The following GNG12 variants were observed in gnomAD, a reference collection of about 807,000 sequenced individuals.
GNG12 encodes the protein G protein subunit gamma 12.
For missense variants in GNG12, 69 were observed against 83.8 expected, an observed-to-expected ratio of 0.82 and a Z score of 0.69; for synonymous variants, 28 against 29.7, an observed-to-expected ratio of 0.94 and a Z score of 0.19.
chr1:67,723,393 A>T (rs2100690686), intron 2 of GNG12, among the ~76,000 whole-genome samples: 1 of 152,340 alleles, frequency 6.6e-6, no homozygotes, highest in East Asian at 1.9e-4. Flanking sequence ...GAGGAAGGGT[A>T]AGTTAATGCT....
chr1:67,772,093 A>G (rs11209150), intron 2 of GNG12, among the ~76,000 whole-genome samples: 17,681 of 152,158 alleles, frequency 0.12, 1,308 homozygotes, highest in African/African-American at 0.21. Flanking sequence ...TTTAAGCAAG[A>G]GGGGCCCAGG....
At chr1:67,752,973 C>T (rs1017471194) in intron 2 of GNG12, among the ~76,000 whole-genome samples, 3 of 152,156 alleles carry the variant, frequency 2.0e-5, no homozygotes, top group South Asian at 2.1e-4. Flanking sequence ...GTGACTGCTA[C>T]GCTGAATTAT....
chr1:67,783,196 A>C (rs17130277), intron 1 of GNG12, among the ~76,000 whole-genome samples: 1 of 152,206 alleles, frequency 6.6e-6, no homozygotes, highest in African/African-American at 2.4e-5. Flanking sequence ...ACACATAGAC[A>C]TAAGTGTTTC....
chr1:67,763,533 T>C (rs1377589852), intron 2 of GNG12, among the ~76,000 whole-genome samples: 3 of 136,212 alleles, frequency 2.2e-5, no homozygotes, highest in Non-Finnish European at 4.6e-5. Context: ...TATCCATCAC[T>C]TTTTTTTTTT....
At chr1:67,762,534 TTAAA>T (rs1273424025) in intron 2 of GNG12, among the ~76,000 whole-genome samples, 1 of 152,136 alleles carries the variant, frequency 6.6e-6, no homozygotes, top group Admixed American at 6.5e-5. Context: ...AGAGAAAAGT[TTAAA>T]AGAGTATGTA....
chr1:67,732,867 G>A (rs1570495841), intron 2 of GNG12, among the ~76,000 whole-genome samples: 1 of 152,206 alleles, frequency 6.6e-6, no homozygotes, highest in East Asian at 1.9e-4. Context: ...CTGCCCTCCT[G>A]GCAGTTGTGC....
chr1:67,722,849 C>T (rs946560315), intron 2 of GNG12, among the ~76,000 whole-genome samples: 1 of 152,142 alleles, frequency 6.6e-6, no homozygotes, highest in Non-Finnish European at 1.5e-5. Context: ...GCAACATGGT[C>T]AGGGCTTGGG....
intron 1 of GNG12, among the ~76,000 whole-genome samples, chr1:67,803,615 G>C (rs1646878990): frequency 6.6e-6 from 1 of 152,214 alleles, no homozygotes; most frequent in Non-Finnish European, 1.5e-5. Context: ...CCTGTGTTAA[G>C]TGCTTTGCGA....
chr1:67,808,272 T>TA (rs1570566115), intron 1 of GNG12, among the ~76,000 whole-genome samples: 2 of 152,076 alleles, frequency 1.3e-5, no homozygotes, highest in South Asian at 4.1e-4. Context: ...TGATTTTTTT[T>TA]TAAAAAAACT....
chr1:67,755,549 A>C (rs963458128), intron 2 of GNG12, among the ~76,000 whole-genome samples: 2 of 152,196 alleles, frequency 1.3e-5, no homozygotes, highest in African/African-American at 4.8e-5. Context: ...ATAAGGTCTC[A>C]CAACCTGTAG....
chr1:67,725,921 G>A (rs768086936), intron 2 of GNG12, among the ~76,000 whole-genome samples: 13 of 152,040 alleles, frequency 8.6e-5, no homozygotes, highest in Non-Finnish European at 1.5e-4. Flanking sequence ...AAAACATGAC[G>A]GAGCATCACT....
intron 2 of GNG12, among the ~76,000 whole-genome samples, chr1:67,776,572 T>C (rs895502440): frequency 2.0e-5 from 3 of 152,198 alleles, no homozygotes; most frequent in Non-Finnish European, 2.9e-5. Flanking sequence ...TTGGGGTAAC[T>C]TGCAGGATGA....
chr1:67,787,106 T>C (rs939131015), intron 1 of GNG12, among the ~76,000 whole-genome samples: 3 of 150,316 alleles, frequency 2.0e-5, no homozygotes, highest in Admixed American at 6.7e-5. Flanking sequence ...CAGTAAGTCA[T>C]ATAAACAACT....
At chr1:67,814,258 T>A (rs931144024) in intron 1 of GNG12, among the ~76,000 whole-genome samples, 2 of 152,232 alleles carry the variant, frequency 1.3e-5, no homozygotes, top group Non-Finnish European at 2.9e-5. Flanking sequence ...CTGCCAGCCA[T>A]GAGCCCTTCC....
chr1:67,731,872 AT>A (rs1557599165), intron 2 of GNG12, among the ~76,000 whole-genome samples: 1 of 152,084 alleles, frequency 6.6e-6, no homozygotes, highest in Non-Finnish European at 1.5e-5. Flanking sequence ...TTGTATGCTT[AT>A]TTTTTTATAT....
At chr1:67,772,357 T>C (rs1420394397) in intron 2 of GNG12, among the ~76,000 whole-genome samples, 3 of 152,176 alleles carry the variant, frequency 2.0e-5, no homozygotes, top group Non-Finnish European at 4.4e-5. Context: ...ATGTTCCTTA[T>C]TGGTAGTCTG....
intron 1 of GNG12, among the ~76,000 whole-genome samples, chr1:67,808,303 G>T (rs1261495106): frequency 6.6e-6 from 1 of 151,826 alleles, no homozygotes; most frequent in Admixed American, 6.6e-5. Flanking sequence ...AAAATAGAGG[G>T]GAACTTCCTC....
At chr1:67,829,456 T>C (rs1647030832) in intron 1 of GNG12, among the ~76,000 whole-genome samples, 1 of 152,232 alleles carries the variant, frequency 6.6e-6, no homozygotes, top group Non-Finnish European at 1.5e-5. Flanking sequence ...TACTGAGCTT[T>C]TTTTAGATTT....
chr1:67,726,202 TA>T (rs1461616706), intron 2 of GNG12, among the ~76,000 whole-genome samples: 1 of 152,238 alleles, frequency 6.6e-6, no homozygotes, highest in Non-Finnish European at 1.5e-5. Context: ...ATTGGCTTTT[TA>T]AAACTATAGT....
Sources: allele counts gnomAD v4.1 joint callset (sites outside exome capture counted in the v4.1 genomes callset), GRCh38; gene constraint gnomAD v4.1.1; transcripts MANE v1.5; gene names NCBI Gene and HGNC (gene_info 2026-07-23, HGNC 2026-07-21).